Variants in WDR72 observed in about 807,000 individuals in gnomAD.
WDR72 encodes WD repeat-containing protein 72.
In WDR72, 120 loss-of-function variants were observed where a neutral mutation model predicts 124.2. That is an observed-to-expected ratio of 0.97 (90% confidence interval 0.83 to 1.12). The LOEUF (loss-of-function observed/expected upper bound fraction) is 1.12, where lower values mean the gene tolerates loss of function less well. Ranked by LOEUF, WDR72 falls within the 50% of genes most tolerant of loss-of-function variation. WDR72 has a pLI of 0.00. For synonymous variants in WDR72, 452 were observed against 441.7 expected (o/e 1.02, Z -0.29); for missense variants, 1,387 against 1,278.8 (o/e 1.08, Z -1.29).
intron 18 of WDR72, among the ~76,000 whole-genome samples, chr15:53,590,465 T>A (rs2012440220): frequency 6.6e-6 from 1 of 152,094 alleles, no homozygotes; most frequent in African/African-American, 2.4e-5. Context: ...TGATTTCTTC[T>A]AGAGAATCTT....
At chr15:53,623,795 A>C (rs1275915629) in intron 14 of WDR72, among the ~76,000 whole-genome samples, 2 of 152,160 alleles carry the variant, frequency 1.3e-5, no homozygotes, top group Admixed American at 6.5e-5. Flanking sequence ...ATTCCCACTT[A>C]CAAATATACA....
At chr15:53,606,419 T>C (rs553270120) in intron 17 of WDR72, among the ~76,000 whole-genome samples, 2 of 152,288 alleles carry the variant, frequency 1.3e-5, no homozygotes, top group Admixed American at 1.3e-4. Flanking sequence ...ATTCACTCAT[T>C]AAATATGTAT....
intron 4 of WDR72, among the ~76,000 whole-genome samples, chr15:53,716,065 A>G (rs570948426): frequency 5.3e-5 from 8 of 152,330 alleles, no homozygotes; most frequent in African/African-American, 1.4e-4. Context: ...AGCAACACTA[A>G]GAGTGTAAAA....
intron 14 of WDR72, among the ~76,000 whole-genome samples, chr15:53,644,966 T>C (rs1389091040): frequency 2.6e-5 from 4 of 152,152 alleles, no homozygotes; most frequent in African/African-American, 9.7e-5. Flanking sequence ...TTTTGCTTTC[T>C]CTCACCACTG....
rs1243621441 is a variant in WDR72, at chr15:53,758,767, G to C, written c.-13+866C>G. ...CCTTGAAGTCATTTAACACAAAACT[G>C]CGGGGGGGGGGGGGGCGGTGCGGGC... On this transcript the variant is annotated intron_variant, in intron 1 of 19. Coordinates refer to ENST00000360509, the MANE Select transcript of WDR72 (RefSeq NM_182758.4). Among the ~76,000 whole-genome samples, 41 of 46,682 alleles carry C rather than the reference G, an allele frequency of 8.8e-4. 1 individual carries two copies. The highest frequency in any genetic ancestry group is 6.8e-3 in the Admixed American group (36 of 5,314). The allele number at this position is 46,682 out of a possible 152,430, so 30.6% of individuals were successfully genotyped here. A position where few individuals can be genotyped will look rare whatever the true frequency, so the allele number is the denominator to read the frequency against.
At chr15:53,720,248 G>T (rs1417025759) in intron 3 of WDR72, among the ~76,000 whole-genome samples, 1 of 151,956 alleles carries the variant, frequency 6.6e-6, no homozygotes, top group Non-Finnish European at 1.5e-5. Flanking sequence ...ATAGCTTAAG[G>T]TCTAAAGTCA....
At chr15:53,675,953 T>C (rs1045678507) in intron 13 of WDR72, among the ~76,000 whole-genome samples, 17 of 152,304 alleles carry the variant, frequency 1.1e-4, no homozygotes, top group African/African-American at 3.9e-4. Flanking sequence ...TGGGACATGA[T>C]GGTGATTTGC....
intron 14 of WDR72, among the ~76,000 whole-genome samples, chr15:53,649,629 A>T (rs1029163958): frequency 1.3e-5 from 2 of 152,168 alleles, no homozygotes; most frequent in African/African-American, 4.8e-5. Flanking sequence ...AAGGGTTTGA[A>T]TAGACATTTC....
At chr15:53,662,280 G>A (rs898187535) in intron 14 of WDR72, among the ~76,000 whole-genome samples, 2 of 152,090 alleles carry the variant, frequency 1.3e-5, no homozygotes, top group East Asian at 3.8e-4. Flanking sequence ...TTGTCTAGCA[G>A]CACAAATTCA....
Position 53,620,441 on chromosome 15 carries a change from A to G in WDR72, c.1963-4198T>C, listed in dbSNP as rs374479264. Among the ~76,000 whole-genome samples, 14 of 152,122 alleles carry G rather than the reference A, an allele frequency of 9.2e-5. No individual in the cohort carries two copies. In the East Asian group the frequency reaches 2.1e-3, roughly 23 times the overall value. ...AAACTTATATTTTACCATACCAAAC[A>G]AAAAGCTCTTCTAAAAATAGTAATC... On this transcript the variant is annotated intron_variant, in intron 14 of 19. Transcript: ENST00000360509.
intron 13 of WDR72, among the ~76,000 whole-genome samples, chr15:53,686,247 T>C (rs2016619639): frequency 1.3e-5 from 2 of 151,872 alleles, no homozygotes; most frequent in Non-Finnish European, 2.9e-5. Flanking sequence ...AATGCTCCCA[T>C]TAAAAGACAC....
At chr15:53,598,919 T>C (rs559299181) in intron 17 of WDR72, among the ~76,000 whole-genome samples, 8 of 152,186 alleles carry the variant, frequency 5.3e-5, no homozygotes, top group African/African-American at 1.9e-4. Context: ...ATATCTACCA[T>C]ATGAGACCAG....
intron 17 of WDR72, among the ~76,000 whole-genome samples, chr15:53,600,065 A>G (rs1165406403): frequency 6.6e-6 from 1 of 152,182 alleles, no homozygotes; most frequent in Non-Finnish European, 1.5e-5. Context: ...ATTTAAACTC[A>G]GTGTGAGATG....
At position 53,716,593 on chromosome 15, in the gene WDR72, G is replaced by A. The variant is rs768927823; in HGVS notation, c.339+14C>T. 1.9e-6 allele frequency: 3 copies of A among 1,554,266 alleles called. No individual in the cohort carries two copies. Among genetic ancestry groups the A allele is most frequent in the Admixed American group, 1.7e-5 (1 of 59,926 alleles). On this transcript the variant is annotated intron_variant, in intron 4 of 19. Transcript: ENST00000360509. ...AGAATCTAGAAATGCCCTGAAGGAA[G>A]TGAGTGTACTTACACAGATTGCAGT...
At chr15:53,589,993 G>A (rs1212272370) in intron 18 of WDR72, among the ~76,000 whole-genome samples, 1 of 151,972 alleles carries the variant, frequency 6.6e-6, no homozygotes, top group Non-Finnish European at 1.5e-5. Flanking sequence ...ATTTTATAAG[G>A]AGCTAAAAAT....
chr15:53,745,349 T>C (rs2018618189), intron 1 of WDR72, among the ~76,000 whole-genome samples: 1 of 152,154 alleles, frequency 6.6e-6, no homozygotes, highest in Non-Finnish European at 1.5e-5. Context: ...CCTTTGAGAG[T>C]GTGAGATTTC....
chr15:53,552,079 G>C (rs1045509010), intron 18 of WDR72, among the ~76,000 whole-genome samples: 1 of 151,992 alleles, frequency 6.6e-6, no homozygotes, highest in African/African-American at 2.4e-5. Context: ...AGTGTCACCT[G>C]ACACTGACAT....
At chr15:53,576,072 C>T (rs1479637946) in intron 18 of WDR72, among the ~76,000 whole-genome samples, 1 of 152,150 alleles carries the variant, frequency 6.6e-6, no homozygotes, top group African/African-American at 2.4e-5. Context: ...CATTCACAAA[C>T]TGGCCCCACC....
chr15:53,650,932 C>T (rs143636522), intron 14 of WDR72, among the ~76,000 whole-genome samples: 86 of 107,098 alleles, frequency 8.0e-4, no homozygotes, highest in African/African-American at 2.9e-3. Context: ...GCAAACAAAA[C>T]GACCTTTTCA....
Sources: gnomAD v4.1 joint callset for allele counts (sites outside exome capture counted in the v4.1 genomes callset) on GRCh38, gnomAD v4.1.1 for gene constraint, MANE v1.5 for transcripts, NCBI Gene and HGNC (gene_info 2026-07-23, HGNC 2026-07-21) for gene names.